Variants in MLLT3 observed in about 807,000 individuals in gnomAD.
MLLT3 encodes the protein protein AF-9.
A neutral mutation model predicts 53.2 loss-of-function variants in MLLT3; 4 were observed. That is an observed-to-expected ratio of 0.08 (90% CI 0.04 to 0.17). The LOEUF is 0.17. Ranked by LOEUF, MLLT3 falls within the 10% of genes least tolerant of loss-of-function variation. MLLT3 has a pLI of 1.00. For synonymous variants in MLLT3, 283 were observed against 230.6 expected, an observed-to-expected ratio of 1.23 and a Z score of -2.06; for missense variants, 569 against 684.0, an observed-to-expected ratio of 0.83 and a Z score of 1.87.
At chr9:20,537,975 A>T (rs1377053863) in intron 2 of MLLT3, among the ~76,000 whole-genome samples, 1 of 152,206 alleles carries the variant, frequency 6.6e-6, no homozygotes, top group Non-Finnish European at 1.5e-5. Flanking sequence ...ATATTCCTTA[A>T]TATAAATGCA....
intron 2 of MLLT3, among the ~76,000 whole-genome samples, chr9:20,569,766 C>G (rs1819481606): frequency 6.6e-6 from 1 of 152,196 alleles, no homozygotes; most frequent in Non-Finnish European, 1.5e-5. Flanking sequence ...CACGTCATCT[C>G]TTAGCTATTT....
At chr9:20,616,706 G>A (rs1363312128) in intron 2 of MLLT3, among the ~76,000 whole-genome samples, 2 of 152,092 alleles carry the variant, frequency 1.3e-5, no homozygotes, top group Non-Finnish European at 2.9e-5. Flanking sequence ...TATTCTTGAA[G>A]ATCTTCCTGC....
rs879723834 is a variant in MLLT3 at position 20,588,026 on chromosome 9, T to A, written c.193+32628A>T. On this transcript the variant is annotated intron_variant, in intron 2 of 10. Transcript: ENST00000380338. ...CTTGAATTGATTTTTGTATAAGGTGTAAGGAAGGGATCCAGTTTCAGCTTT... is the reference window on the plus strand; with the variant it reads ...CTTGAATTGATTTTTGTATAAGGTGAAAGGAAGGGATCCAGTTTCAGCTTT... 1.8e-3 allele frequency among the ~76,000 whole-genome samples: 274 copies of A among 150,052 alleles called. 1 individual carries two copies. Among genetic ancestry groups the A allele is most frequent in the Non-Finnish European group, 3.3e-3 (222 of 66,608 alleles).
intron 2 of MLLT3, among the ~76,000 whole-genome samples, chr9:20,557,428 G>C (rs1819089580): frequency 6.6e-6 from 1 of 152,128 alleles, no homozygotes; most frequent in Admixed American, 6.5e-5. Context: ...GTTGTAAACT[G>C]AATGAATTAA....
chr9:20,529,757 TG>T (rs1332144592), intron 2 of MLLT3, among the ~76,000 whole-genome samples: 1 of 127,602 alleles, frequency 7.8e-6, no homozygotes, highest in Non-Finnish European at 1.6e-5. Context: ...TTGGTAGGGA[TG>T]GGGTTCTCAC....
At chr9:20,522,904 G>A (rs950867295) in intron 2 of MLLT3, among the ~76,000 whole-genome samples, 1 of 152,120 alleles carries the variant, frequency 6.6e-6, no homozygotes, top group African/African-American at 2.4e-5. Flanking sequence ...CGAGGCTTCA[G>A]TGAGACGTGA....
rs906174940 is a variant in MLLT3 at position 20,620,345 on chromosome 9, A to G, written c.193+309T>C. On this transcript the variant is annotated intron_variant, in intron 2 of 10. Transcript: ENST00000380338. This position sits in a 1 kb window ranked among gnomAD's most constrained non-coding sequence, Gnocchi z 6.1. The stretch of plus-strand genomic sequence containing the variant: ...CCGATTCCCCACATCTCCAAACTCA[A>G]CAACTAATTGCACCTTCCCCACAGA... Among the ~76,000 whole-genome samples, 2 of 151,584 alleles carry G rather than the reference A, an allele frequency of 1.3e-5. No homozygotes were observed. The highest frequency in any genetic ancestry group is 1.5e-5 in the Non-Finnish European group (1 of 67,900).
intron 8 of MLLT3, among the ~76,000 whole-genome samples, chr9:20,355,730 A>G (rs1563933970): frequency 6.6e-6 from 1 of 152,218 alleles, no homozygotes; most frequent in Admixed American, 6.5e-5. Context: ...AAGCAAAGTA[A>G]TTTGTCTTTT....
chr9:20,509,451 G>A (rs1487987954), intron 2 of MLLT3, among the ~76,000 whole-genome samples: 8 of 152,132 alleles, frequency 5.3e-5, no homozygotes, highest in African/African-American at 1.9e-4. Context: ...GCTTGTAGTG[G>A]CTTTAAGTCA....
chr9:20,473,685 T>C (rs950700253), intron 2 of MLLT3, among the ~76,000 whole-genome samples: 1 of 151,878 alleles, frequency 6.6e-6, no homozygotes, highest in Non-Finnish European at 1.5e-5. Context: ...GTCAAGAACA[T>C]AGTAATCTCA....
In MLLT3 at chr9:20,567,664, C is replaced by T. The variant is rs947525365; in HGVS notation, c.193+52990G>A. Among the ~76,000 whole-genome samples the T allele has an allele frequency of 3.3e-5, 5 of 152,132 alleles. No individual in the cohort carries two copies. The East Asian group carries it at 5.8e-4, about 18-fold the overall frequency. On this transcript the variant is annotated intron_variant, in intron 2 of 10. Transcript: ENST00000380338. ...AACAGCCCTGACTATATTATCATTA[C>T]CCAGATTTATAGAATGGTCCCAGTG...
chr9:20,376,620 A>T (rs1031316233), intron 5 of MLLT3, among the ~76,000 whole-genome samples: 2 of 152,160 alleles, frequency 1.3e-5, no homozygotes, highest in African/African-American at 4.8e-5. Flanking sequence ...TAGGAAATAA[A>T]ATGGCCTCGG....
At chr9:20,386,566 T>C (rs181341194) in intron 5 of MLLT3, among the ~76,000 whole-genome samples, 1 of 152,348 alleles carries the variant, frequency 6.6e-6, no homozygotes, top group African/African-American at 2.4e-5. Flanking sequence ...TAAAGCCTAT[T>C]GACAGAAGCT....
chr9:20,414,514 A>T, intron 4 of MLLT3, 89 bp from the exon 5 acceptor site: 1 of 1,565,230 alleles, frequency 6.4e-7, no homozygotes, highest in Non-Finnish European at 8.6e-7. Context: ...TCCTTCTTTG[A>T]TTCCTCTCAA....
chr9:20,459,835 T>C (rs1222836691), intron 2 of MLLT3, among the ~76,000 whole-genome samples: 1 of 152,198 alleles, frequency 6.6e-6, no homozygotes, highest in African/African-American at 2.4e-5. Context: ...AATGCAACAA[T>C]TTCATCAATA....
chr9:20,482,222 G>A (rs930894580), intron 2 of MLLT3, among the ~76,000 whole-genome samples: 30 of 152,244 alleles, frequency 2.0e-4, no homozygotes, highest in African/African-American at 6.0e-4. Context: ...CAAACCAAAT[G>A]GAATCACACA....
chr9:20,614,432 G>T (rs1179259123), intron 2 of MLLT3, among the ~76,000 whole-genome samples: 1 of 150,526 alleles, frequency 6.6e-6, no homozygotes, highest in Non-Finnish European at 1.5e-5. Context: ...AGGGAGGGAG[G>T]GAGGGAGGGA....
intron 8 of MLLT3, among the ~76,000 whole-genome samples, chr9:20,356,057 G>C (rs1336351397): frequency 6.6e-6 from 1 of 152,168 alleles, no homozygotes; most frequent in African/African-American, 2.4e-5. Flanking sequence ...AGATGAACAA[G>C]ATAAGACCCA....
At chr9:20,595,325 C>T (rs540314461) in intron 2 of MLLT3, among the ~76,000 whole-genome samples, 93 of 152,198 alleles carry the variant, frequency 6.1e-4, no homozygotes, top group South Asian at 1.2e-3. Context: ...CGTCTTCATA[C>T]ATACCACTGC....
Sources: allele counts gnomAD v4.1 joint callset (sites outside exome capture counted in the v4.1 genomes callset), GRCh38; gene constraint gnomAD v4.1.1; non-coding constraint Gnocchi (gnomAD v3.1); transcripts MANE v1.5; gene names NCBI Gene and HGNC (gene_info 2026-07-23, HGNC 2026-07-21).